Variants in MDGA2 observed in about 807,000 individuals in gnomAD.
MDGA2 encodes MAM domain-containing glycosylphosphatidylinositol anchor protein 2.
A neutral mutation model predicts 117.8 loss-of-function variants in MDGA2; 40 were observed. The observed-to-expected ratio is 0.34, with a 90% confidence interval of 0.26 to 0.44. The LOEUF (loss-of-function observed/expected upper bound fraction) is 0.44. MDGA2 is among the 20% of genes least tolerant of loss of function. MDGA2 has a pLI of 1.00. For missense variants in MDGA2, 1,123 were observed against 1,250.6 expected (o/e 0.90, Z 1.54); for synonymous variants, 452 against 439.0 (o/e 1.03, Z -0.37).
chr14:47,130,883 G>A (rs1259466010), intron 5 of MDGA2, among the ~76,000 whole-genome samples: 1 of 151,994 alleles, frequency 6.6e-6, no homozygotes, highest in Non-Finnish European at 1.5e-5. Context: ...GTCTAATATA[G>A]TTACTTAAAA....
chr14:46,850,053 A>T (rs559499444), intron 15 of MDGA2, among the ~76,000 whole-genome samples: 1 of 152,016 alleles, frequency 6.6e-6, no homozygotes, highest in South Asian at 2.1e-4. Flanking sequence ...TAAAACTGAA[A>T]TGTTTTCACA....
intron 1 of MDGA2, among the ~76,000 whole-genome samples, chr14:47,659,671 C>T (rs1298349016): frequency 6.6e-6 from 1 of 152,134 alleles, no homozygotes; most frequent in African/African-American, 2.4e-5. Context: ...ACTATCCACT[C>T]TCACTCAAAA....
At chr14:47,307,722 T>C (rs1889501399) in intron 1 of MDGA2, among the ~76,000 whole-genome samples, 2 of 151,300 alleles carry the variant, frequency 1.3e-5, no homozygotes, top group Admixed American at 6.6e-5. Context: ...AATATGAAGA[T>C]TTGAAGAAGA....
chr14:47,040,860 G>A (rs958538924), intron 7 of MDGA2, among the ~76,000 whole-genome samples: 1 of 152,124 alleles, frequency 6.6e-6, no homozygotes, highest in Non-Finnish European at 1.5e-5. Flanking sequence ...AGGGCACAGA[G>A]CCTTAATCTG....
intron 5 of MDGA2, among the ~76,000 whole-genome samples, chr14:47,103,410 T>C (rs1306309412): frequency 6.6e-6 from 1 of 152,192 alleles, no homozygotes; most frequent in African/African-American, 2.4e-5. Context: ...ATGTGAAAAC[T>C]CAAAATAATC....
chr14:47,290,178 G>A (rs1888832160), intron 2 of MDGA2, among the ~76,000 whole-genome samples: 1 of 151,888 alleles, frequency 6.6e-6, no homozygotes, highest in Admixed American at 6.6e-5. Context: ...TCATATTTTG[G>A]AATCCTAATC....
chr14:46,976,647 C>T (rs527931752), intron 8 of MDGA2, among the ~76,000 whole-genome samples: 17 of 151,830 alleles, frequency 1.1e-4, no homozygotes, highest in African/African-American at 3.1e-4. Context: ...GTACATATAA[C>T]GTTATTAATT....
chr14:47,236,963 A>G (rs1281058225), intron 2 of MDGA2, among the ~76,000 whole-genome samples: 1 of 152,178 alleles, frequency 6.6e-6, no homozygotes, highest in African/African-American at 2.4e-5. Context: ...AATGTTATCA[A>G]GTTACCTATT....
rs1299123339 is a variant in MDGA2, at chr14:47,561,179, G to GTTTTTT, written c.280+113332_280+113337dup. Among the ~76,000 whole-genome samples the GTTTTTT allele has an allele frequency of 2.7e-4, 19 of 71,576 alleles. No individual in the cohort carries two copies. In the East Asian group the frequency reaches 6.2e-3, roughly 23 times the overall value. 47.0% of individuals were successfully genotyped at this position (71,576 alleles called of 152,430 possible). A position where few individuals can be genotyped will look rare whatever the true frequency, so the allele number is the denominator to read the frequency against. ...TTTTGTTTTGTTTTTTTGTTTGTTT[G>GTTTTTT]TTTTTTTTTGCTTAGGATTGCCTTA... is the stretch of plus-strand genomic sequence containing the variant. On this transcript the variant is annotated intron_variant, in intron 1 of 16. Coordinates refer to ENST00000399232, the MANE Select transcript of MDGA2 (RefSeq NM_001113498.3).
intron 1 of MDGA2, among the ~76,000 whole-genome samples, chr14:47,467,364 G>A (rs781296433): frequency 6.6e-6 from 1 of 152,060 alleles, no homozygotes; most frequent in African/African-American, 2.4e-5. Flanking sequence ...AAAGTTTCAA[G>A]CAAAAGGAAA....
chr14:46,875,879 T>G (rs1437677820), intron 12 of MDGA2, among the ~76,000 whole-genome samples: 1 of 151,662 alleles, frequency 6.6e-6, no homozygotes, highest in Non-Finnish European at 1.5e-5. Context: ...ATATGTTATT[T>G]AAAATTATGT....
At chr14:47,136,970 G>A (rs1300382508) in intron 4 of MDGA2, among the ~76,000 whole-genome samples, 1 of 152,154 alleles carries the variant, frequency 6.6e-6, no homozygotes, top group Non-Finnish European at 1.5e-5. Flanking sequence ...TAAGCCCCAA[G>A]GGAAATATAT....
intron 3 of MDGA2, among the ~76,000 whole-genome samples, chr14:47,204,324 T>C (rs917590420): frequency 2.0e-5 from 3 of 152,040 alleles, no homozygotes; most frequent in Admixed American, 6.6e-5. Flanking sequence ...GATTTTATTA[T>C]AAAGTTATGC....
chr14:47,431,892 T>C (rs749368519), intron 1 of MDGA2, among the ~76,000 whole-genome samples: 1 of 152,070 alleles, frequency 6.6e-6, no homozygotes, highest in Non-Finnish European at 1.5e-5. Flanking sequence ...TAACATAGCT[T>C]TCCACGACAT....
At chr14:47,502,902 A>G (rs1894427203) in intron 1 of MDGA2, among the ~76,000 whole-genome samples, 1 of 151,828 alleles carries the variant, frequency 6.6e-6, no homozygotes, top group Non-Finnish European at 1.5e-5. Flanking sequence ...GGCTGGTCTC[A>G]AACTCCTGAC....
intron 1 of MDGA2, among the ~76,000 whole-genome samples, chr14:47,503,256 A>C (rs1225727195): frequency 1.3e-5 from 2 of 152,070 alleles, no homozygotes; most frequent in African/African-American, 4.8e-5. Context: ...CATGTCCAAA[A>C]TTAGTTATAG....
intron 1 of MDGA2, among the ~76,000 whole-genome samples, chr14:47,309,501 T>TAA (rs1889565919): frequency 6.6e-6 from 1 of 152,138 alleles, no homozygotes; most frequent in Non-Finnish European, 1.5e-5. Context: ...TAAAGGTTTT[T>TAA]AATATTTTGT....
chr14:46,933,269 T>C (rs768478085), intron 9 of MDGA2, among the ~76,000 whole-genome samples: 34 of 152,002 alleles, frequency 2.2e-4, no homozygotes, highest in Non-Finnish European at 3.7e-4. Context: ...ACTCACAAAA[T>C]TAATTAATAA....
intron 1 of MDGA2, among the ~76,000 whole-genome samples, chr14:47,414,639 T>C (rs1373150427): frequency 1.3e-5 from 2 of 152,124 alleles, no homozygotes; most frequent in African/African-American, 4.8e-5. Flanking sequence ...TAACATACAT[T>C]GTACTTGTGG....
Sources: allele counts gnomAD v4.1 joint callset (sites outside exome capture counted in the v4.1 genomes callset), GRCh38; gene constraint gnomAD v4.1.1; transcripts MANE v1.5; gene names NCBI Gene and HGNC (gene_info 2026-07-23, HGNC 2026-07-21).